The following NCAM1 variants were observed in gnomAD, a reference collection of about 807,000 sequenced individuals.
The protein encoded by NCAM1 is antigen recognized by monoclonal antibody 5.1H11.
Under a neutral mutation model 109.8 loss-of-function variants are expected in NCAM1, and 14 were observed. The observed-to-expected ratio is 0.13, with a 90% confidence interval of 0.08 to 0.20. The LOEUF (loss-of-function observed/expected upper bound fraction) is 0.20, where lower values mean the gene tolerates loss of function less well. NCAM1 is among the 10% of genes least tolerant of loss of function. NCAM1 has a pLI of 1.00. For missense variants in NCAM1, 774 were observed against 1,109.9 expected (o/e 0.70, Z 4.30); for synonymous variants, 418 against 442.9 (o/e 0.94, Z 0.70).
At chr11:113,017,839 T>G (rs931724801) in intron 1 of NCAM1, among the ~76,000 whole-genome samples, 6 of 152,312 alleles carry the variant, frequency 3.9e-5, no homozygotes, top group African/African-American at 1.4e-4. Flanking sequence ...GTTCCCAATA[T>G]TACAATATTT....
chr11:113,108,258 A>G (rs1335858966), intron 1 of NCAM1, among the ~76,000 whole-genome samples: 1 of 152,214 alleles, frequency 6.6e-6, no homozygotes, highest in East Asian at 1.9e-4. Flanking sequence ...GAGGTAAGCA[A>G]AGGCATGCAA....
At chr11:113,133,342 T>C (rs1941478123) in intron 1 of NCAM1, 1 of 152,240 alleles carries the variant, frequency 6.6e-6, no homozygotes, top group Non-Finnish European at 1.5e-5. Context: ...GTAATCTGAC[T>C]GTTTTCTGTT....
At chr11:113,085,814 AT>A (rs560170491) in intron 1 of NCAM1, among the ~76,000 whole-genome samples, 2 of 152,168 alleles carry the variant, frequency 1.3e-5, no homozygotes, top group Middle Eastern at 3.2e-3. Flanking sequence ...CATTCACTGA[AT>A]GGATACCTTT....
At chr11:113,108,081 C>T (rs1591331781) in intron 1 of NCAM1, among the ~76,000 whole-genome samples, 2 of 152,072 alleles carry the variant, frequency 1.3e-5, no homozygotes, top group African/African-American at 4.8e-5. Context: ...CCAACGTTGC[C>T]CATAAGTCCC....
intron 1 of NCAM1, among the ~76,000 whole-genome samples, chr11:112,973,111 T>C (rs1950925923): frequency 6.6e-6 from 1 of 152,198 alleles, no homozygotes; most frequent in African/African-American, 2.4e-5. Flanking sequence ...GTGGTGTTCA[T>C]ACATTTATTT....
rs138668793 is a variant in NCAM1 at position 113,206,298 on chromosome 11, G to A, written c.628+118G>A. Reference sequence around the variant, plus strand: ...AAATCCTGTCCTGACTCAATCATCCGTCTGAGCTAAATCCCCTCCCCACCG... The same window carrying A: ...AAATCCTGTCCTGACTCAATCATCCATCTGAGCTAAATCCCCTCCCCACCG... On this transcript the variant is annotated intron_variant, in intron 5 of 19. Transcript: ENST00000316851. 4.7e-4 allele frequency: 516 copies of A among 1,100,444 alleles called. 2 individuals are homozygous for A. In the African/African-American group the frequency reaches 6.6e-3, roughly 14 times the overall value. The allele number at this position is 1,100,444 out of a possible 1,614,324, so 68.2% of individuals were successfully genotyped here. A position where few individuals can be genotyped will look rare whatever the true frequency, so the allele number is the denominator to read the frequency against.
rs1167653839 is a variant in NCAM1 at position 113,080,456 on chromosome 11, GT to G, written c.52+118800del. ...AAAATTAAATGCTCTGAATAGAGGG[GT>G]TTTTTTTCTTTTTTTTTTTTTCTTA... On this transcript the variant is annotated intron_variant, in intron 1 of 19. Transcript: ENST00000316851. Among the ~76,000 whole-genome samples the G allele has an allele frequency of 6.4e-4, 95 of 147,364 alleles. 1 individual carries two copies. The highest frequency in any genetic ancestry group is 1.9e-3 in the African/African-American group (78 of 40,532).
chr11:113,064,413 A>G (rs1555083877), intron 1 of NCAM1, among the ~76,000 whole-genome samples: 1 of 152,244 alleles, frequency 6.6e-6, no homozygotes, highest in African/African-American at 2.4e-5. Flanking sequence ...GTTTTAAGTT[A>G]GATGGCAAAA....
intron 1 of NCAM1, among the ~76,000 whole-genome samples, chr11:113,146,776 A>G (rs945644805): frequency 2.0e-5 from 3 of 152,158 alleles, no homozygotes; most frequent in African/African-American, 7.2e-5. Flanking sequence ...AGGGAAGCCA[A>G]GGGTCTTCTG....
chr11:113,139,220 T>C (rs145306232), intron 1 of NCAM1, among the ~76,000 whole-genome samples: 1 of 152,216 alleles, frequency 6.6e-6, no homozygotes, highest in African/African-American at 2.4e-5. Flanking sequence ...GACTGATTAT[T>C]ACTGGCAGAA....
chr11:113,104,164 G>T (rs1940023252), intron 1 of NCAM1, among the ~76,000 whole-genome samples: 1 of 126,734 alleles, frequency 7.9e-6, no homozygotes, highest in Non-Finnish European at 1.6e-5. Context: ...TTTTCGTTTT[G>T]TTCTGTTTCT....
intron 1 of NCAM1, among the ~76,000 whole-genome samples, chr11:113,110,194 G>A (rs1940383062): frequency 6.8e-6 from 1 of 147,898 alleles, no homozygotes; most frequent in Non-Finnish European, 1.5e-5. Context: ...CAAGGATGAG[G>A]ATTAGATGTT....
intron 4 of NCAM1, 151 bp from the exon 5 acceptor site, chr11:113,205,892 T>C: frequency 9.0e-7 from 1 of 1,106,720 alleles, no homozygotes; most frequent in South Asian, 1.5e-5. Context: ...TACTCTTGGC[T>C]GTATTTCAAA....
At chr11:112,968,103 T>G (rs1950774611) in intron 1 of NCAM1, among the ~76,000 whole-genome samples, 1 of 152,214 alleles carries the variant, frequency 6.6e-6, no homozygotes, top group Non-Finnish European at 1.5e-5. Context: ...GAATATAAAC[T>G]AATCGTTCCA....
intron 1 of NCAM1, among the ~76,000 whole-genome samples, chr11:113,161,574 T>G (rs1942601956): frequency 6.6e-6 from 1 of 152,222 alleles, no homozygotes; most frequent in Non-Finnish European, 1.5e-5. Context: ...AGGTTAAACC[T>G]CTTATAAAAA....
At chr11:113,046,763 AGAT>A (rs766261278) in intron 1 of NCAM1, among the ~76,000 whole-genome samples, 115 of 152,008 alleles carry the variant, frequency 7.6e-4, no homozygotes, top group Non-Finnish European at 3.5e-4. Flanking sequence ...GATGAAAGAA[AGAT>A]GATAGAATAA....
Position 113,023,715 on chromosome 11 carries a change from A to G in NCAM1, c.52+62051A>G, listed in dbSNP as rs558809066. Among the ~76,000 whole-genome samples the G allele has an allele frequency of 7.2e-5, 11 of 152,274 alleles. No individual in the cohort carries two copies. In the South Asian group the frequency reaches 2.3e-3, roughly 32 times the overall value. On this transcript the variant is annotated intron_variant, in intron 1 of 19. Transcript: ENST00000316851. ...ATATGTATTCAAGATCAAGTTATGAATTTCATAGAATTAGGAACTTTGTCG... is the reference window on the plus strand; with the variant it reads ...ATATGTATTCAAGATCAAGTTATGAGTTTCATAGAATTAGGAACTTTGTCG...
chr11:113,242,854 C>G (rs1370976662), intron 14 of NCAM1: 2 of 1,613,844 alleles, frequency 1.2e-6, no homozygotes, highest in Non-Finnish European at 1.7e-6. Context: ...CTAGTGAGTA[C>G]AGGGCTGAGT....
intron 15 of NCAM1, among the ~76,000 whole-genome samples, chr11:113,252,405 C>CAA (rs58848352): frequency 0.081 from 6,823 of 84,554 alleles, 207 homozygotes; most frequent in African/African-American, 0.11. Context: ...GACCCTGTCT[C>CAA]AAAAAAAAAA....
Sources: allele counts gnomAD v4.1 joint callset (sites outside exome capture counted in the v4.1 genomes callset), GRCh38; gene constraint gnomAD v4.1.1; transcripts MANE v1.5; gene names NCBI Gene and HGNC (gene_info 2026-07-23, HGNC 2026-07-21).